The following PCDH11X variants were observed in gnomAD, a reference collection of about 807,000 sequenced individuals.
PCDH11X encodes protocadherin 11 X-linked.
A neutral mutation model predicts 53.3 loss-of-function variants in PCDH11X; 18 were observed. That is an observed-to-expected ratio of 0.34 (90% CI 0.23 to 0.50). PCDH11X has a LOEUF of 0.50. Among genes scored for constraint, PCDH11X ranks in the 20% least tolerant of loss-of-function variants. PCDH11X has a pLI of 0.98. For missense variants in PCDH11X, 570 were observed against 1,032.4 expected, an observed-to-expected ratio of 0.55 and a Z score of 6.14; for synonymous variants, 279 against 393.3, an observed-to-expected ratio of 0.71 and a Z score of 3.44.
chrX:91,955,570 G>T (rs1158541447), intron 6 of PCDH11X, among the ~76,000 whole-genome samples: 1 of 110,671 alleles, frequency 9.0e-6, no homozygotes, highest in Non-Finnish European at 1.9e-5. Context: ...CCATGTAGTT[G>T]TGTGGTTTTG....
intron 8 of PCDH11X, among the ~76,000 whole-genome samples, chrX:92,287,513 A>T (rs1457829429): frequency 1.8e-5 from 2 of 111,204 alleles, no homozygotes; most frequent in Non-Finnish European, 3.8e-5. Context: ...CACCGTTGGC[A>T]TTCTGTCTTC....
chrX:91,969,820 A>C (rs1267402171), intron 6 of PCDH11X, among the ~76,000 whole-genome samples: 1 of 108,741 alleles, frequency 9.2e-6, no homozygotes, highest in African/African-American at 3.3e-5. Context: ...AGGAAAAAAG[A>C]AAAAAGCAAA....
chrX:92,178,073 C>T (rs1603116754), intron 6 of PCDH11X, among the ~76,000 whole-genome samples: 8 of 110,827 alleles, frequency 7.2e-5, no homozygotes, highest in Middle Eastern at 4.7e-3. Context: ...CTGTTGCTTT[C>T]TCTTTCCTTG....
intron 7 of PCDH11X, among the ~76,000 whole-genome samples, chrX:92,206,926 T>C (rs758585800): frequency 2.7e-5 from 3 of 111,410 alleles, no homozygotes; most frequent in African/African-American, 6.5e-5. Context: ...AACTAATTAA[T>C]GTGGAATTGT....
At chrX:91,991,352 C>CTTT (rs767822249) in intron 6 of PCDH11X, among the ~76,000 whole-genome samples, 6 of 54,988 alleles carry the variant, frequency 1.1e-4, no homozygotes, top group African/African-American at 3.4e-4. Flanking sequence ...TTAAGACTTT[C>CTTT]TTTTTTTTTT....
intron 7 of PCDH11X, among the ~76,000 whole-genome samples, chrX:92,261,699 A>T (rs1204272399): frequency 8.9e-6 from 1 of 112,265 alleles, no homozygotes; most frequent in Non-Finnish European, 1.9e-5. Flanking sequence ...ATATTCTTAG[A>T]TATGGCTAAA....
intron 9 of PCDH11X, among the ~76,000 whole-genome samples, chrX:92,394,150 A>G (rs1453709654): frequency 1.8e-5 from 2 of 111,583 alleles, no homozygotes; most frequent in East Asian, 5.6e-4. Context: ...GATAATCTTT[A>G]AAAAATTATA....
chrX:92,190,241 C>T (rs576999333), intron 6 of PCDH11X, among the ~76,000 whole-genome samples: 11 of 110,905 alleles, frequency 9.9e-5, no homozygotes, highest in African/African-American at 3.6e-4. Context: ...ATTTTTATAT[C>T]AGATGTAAGG....
chrX:92,207,711 A>G (rs1401836442), intron 7 of PCDH11X, among the ~76,000 whole-genome samples: 1 of 111,718 alleles, frequency 9.0e-6, no homozygotes, highest in African/African-American at 3.3e-5. Flanking sequence ...TGGGGAATGG[A>G]CTTATTGTTT....
intron 10 of PCDH11X, among the ~76,000 whole-genome samples, chrX:92,484,530 A>T (rs941425079): frequency 9.2e-6 from 1 of 108,216 alleles, no homozygotes; most frequent in African/African-American, 3.4e-5. Context: ...ATATGTACAT[A>T]CCATGGAACA....
intron 4 of PCDH11X, among the ~76,000 whole-genome samples, chrX:91,825,489 C>T (rs1333904870): frequency 1.8e-5 from 2 of 112,213 alleles, no homozygotes; most frequent in African/African-American, 6.5e-5. Context: ...AACTCCCTGA[C>T]CCCTTGCACT....
intron 10 of PCDH11X, among the ~76,000 whole-genome samples, chrX:92,543,607 G>A (rs188427184): frequency 6.0e-4 from 66 of 109,554 alleles, no homozygotes; most frequent in Admixed American, 2.5e-3. Flanking sequence ...AGTTTTGGCC[G>A]GGCATGGTGG....
At chrX:92,306,652 CAACT>C (rs1179458443) in intron 8 of PCDH11X, among the ~76,000 whole-genome samples, 1 of 103,646 alleles carries the variant, frequency 9.6e-6, no homozygotes, top group Non-Finnish European at 2.0e-5. Flanking sequence ...AAAAAAAAAA[CAACT>C]CTTGACCAGG....
At chrX:91,839,792 G>C (rs1017311099) in intron 5 of PCDH11X, among the ~76,000 whole-genome samples, 3 of 110,634 alleles carry the variant, frequency 2.7e-5, no homozygotes, top group African/African-American at 9.8e-5. Flanking sequence ...TCATCTATAA[G>C]AGTTCTTGAT....
At chrX:92,097,797 G>A (rs975937643) in intron 6 of PCDH11X, among the ~76,000 whole-genome samples, 6 of 110,418 alleles carry the variant, frequency 5.4e-5, no homozygotes, top group African/African-American at 9.9e-5. Context: ...ATCCTTAGAC[G>A]CTCAAGTCCC....
chrX:91,954,130 G>A (rs1451451561), intron 6 of PCDH11X, among the ~76,000 whole-genome samples: 4 of 108,883 alleles, frequency 3.7e-5, no homozygotes, highest in East Asian at 2.9e-4. Context: ...CCCCTACCAC[G>A]ACAGGCCCCA....
intron 7 of PCDH11X, among the ~76,000 whole-genome samples, chrX:92,216,809 C>T (rs147108993): frequency 0.18 from 17,555 of 99,895 alleles, 1,303 homozygotes; most frequent in Admixed American, 0.32. Flanking sequence ...AGAGAAAGGT[C>T]GGGTTACCCA....
chrX:91,882,293 A>G (rs1013294687), intron 6 of PCDH11X, among the ~76,000 whole-genome samples: 15 of 110,520 alleles, frequency 1.4e-4, no homozygotes, highest in Non-Finnish European at 2.5e-4. Flanking sequence ...ATTATCTTCT[A>G]TTAACACCTT....
chrX:92,478,727 G>A (rs2073441321), intron 10 of PCDH11X, among the ~76,000 whole-genome samples: 1 of 109,991 alleles, frequency 9.1e-6, no homozygotes, highest in Non-Finnish European at 1.9e-5. Context: ...ATAGTGCAAT[G>A]ATCTGAGGGA....
Sources: gnomAD v4.1 joint callset for allele counts (sites outside exome capture counted in the v4.1 genomes callset) on GRCh38, gnomAD v4.1.1 for gene constraint, MANE v1.5 for transcripts, NCBI Gene and HGNC (gene_info 2026-07-23, HGNC 2026-07-21) for gene names.